DOCK3: variants seen among roughly 807,000 people sequenced by gnomAD.
The protein encoded by DOCK3 is dedicator of cytokinesis 3.
In DOCK3, 60 loss-of-function variants were observed where a neutral mutation model predicts 265.6. The observed-to-expected ratio is 0.23, with a 90% confidence interval of 0.18 to 0.28. The LOEUF (loss-of-function observed/expected upper bound fraction) is 0.28. Ranked by LOEUF, DOCK3 falls within the 10% of genes least tolerant of loss-of-function variation. The probability of loss-of-function intolerance (pLI) is 1.00; values close to 1 mark genes in which losing one functional copy is unlikely to be tolerated. For missense variants in DOCK3, 1,981 were observed against 2,594.3 expected, an observed-to-expected ratio of 0.76 and a Z score of 5.14; for synonymous variants, 881 against 938.0, an observed-to-expected ratio of 0.94 and a Z score of 1.11.
chr3:51,110,249 A>G (rs2083458123), intron 9 of DOCK3, among the ~76,000 whole-genome samples: 1 of 152,170 alleles, frequency 6.6e-6, no homozygotes, highest in African/African-American at 2.4e-5. Flanking sequence ...CAGATATACA[A>G]AGAAAAGCTG....
At chr3:51,198,006 C>T (rs1223800371) in intron 12 of DOCK3, among the ~76,000 whole-genome samples, 1 of 152,224 alleles carries the variant, frequency 6.6e-6, no homozygotes, top group Non-Finnish European at 1.5e-5. Flanking sequence ...CACCCCATGC[C>T]TTACTTGCTT....
intron 12 of DOCK3, among the ~76,000 whole-genome samples, chr3:51,178,912 TTC>T (rs966165026): frequency 6.6e-6 from 1 of 152,238 alleles, no homozygotes; most frequent in Non-Finnish European, 1.5e-5. Flanking sequence ...GGCTGTTATT[TTC>T]TCTCTTTTAC....
intron 13 of DOCK3, among the ~76,000 whole-genome samples, chr3:51,210,577 T>A (rs1438380409): frequency 1.3e-5 from 2 of 152,184 alleles, no homozygotes; most frequent in Non-Finnish European, 2.9e-5. Flanking sequence ...CTCCAGGCCT[T>A]TGGCCTTTCT....
chr3:51,122,874 G>GAT (rs943429041), intron 9 of DOCK3, among the ~76,000 whole-genome samples: 12 of 152,334 alleles, frequency 7.9e-5, no homozygotes, highest in African/African-American at 2.2e-4. Context: ...GGGACACTTT[G>GAT]ATACTCTCTC....
At chr3:50,685,177 C>T (rs917718145) in intron 1 of DOCK3, among the ~76,000 whole-genome samples, 6 of 152,196 alleles carry the variant, frequency 3.9e-5, no homozygotes, top group African/African-American at 1.2e-4. Flanking sequence ...GACTGCCGTT[C>T]TGTAATACAG....
chr3:50,759,320 C>T (rs1214172447), intron 1 of DOCK3, among the ~76,000 whole-genome samples: 1 of 151,982 alleles, frequency 6.6e-6, no homozygotes, highest in Non-Finnish European at 1.5e-5. Context: ...CATTTTACAT[C>T]CCCACCAGCA....
chr3:51,200,490 C>T (rs1368304998), intron 12 of DOCK3, among the ~76,000 whole-genome samples: 10 of 134,456 alleles, frequency 7.4e-5, no homozygotes, highest in Non-Finnish European at 1.6e-5. Context: ...TAAAAAGAAA[C>T]AAACAAAGCC....
chr3:51,026,561 C>T (rs540499576), intron 5 of DOCK3, among the ~76,000 whole-genome samples: 3 of 151,818 alleles, frequency 2.0e-5, no homozygotes, highest in East Asian at 1.9e-4. Flanking sequence ...TGATTGGTAC[C>T]AGCTCTTTTT....
intron 5 of DOCK3, among the ~76,000 whole-genome samples, chr3:50,937,339 G>T (rs997936535): frequency 4.8e-4 from 72 of 150,094 alleles, no homozygotes; most frequent in African/African-American, 1.6e-3. Flanking sequence ...TTATAATAGG[G>T]TAACTACATT....
intron 2 of DOCK3, among the ~76,000 whole-genome samples, chr3:50,836,689 A>G (rs1194713844): frequency 2.6e-5 from 4 of 152,146 alleles, no homozygotes; most frequent in Non-Finnish European, 5.9e-5. Flanking sequence ...TTGGTGATTA[A>G]CATCTGGCTC....
At chr3:51,106,195 G>A (rs183577028) in intron 9 of DOCK3, among the ~76,000 whole-genome samples, 10 of 152,292 alleles carry the variant, frequency 6.6e-5, no homozygotes, top group Non-Finnish European at 8.8e-5. Context: ...AGATAGAGCC[G>A]GGTCAGACCT....
At chr3:51,343,433 A>G (rs531117591) in intron 38 of DOCK3, among the ~76,000 whole-genome samples, 3 of 152,320 alleles carry the variant, frequency 2.0e-5, no homozygotes, top group South Asian at 4.1e-4. Flanking sequence ...AGGCTCATCT[A>G]TCTTGCTGGT....
intron 22 of DOCK3, among the ~76,000 whole-genome samples, chr3:51,256,343 T>C (rs1485482827): frequency 2.0e-5 from 3 of 152,232 alleles, no homozygotes; most frequent in Admixed American, 1.3e-4. Flanking sequence ...TGATATCTGC[T>C]CAGTGCAACC....
chr3:51,155,084 A>G (rs1560135892), intron 10 of DOCK3, among the ~76,000 whole-genome samples: 1 of 151,976 alleles, frequency 6.6e-6, no homozygotes, highest in African/African-American at 2.4e-5. Context: ...GCTCTAAGCA[A>G]TCCTCCTGCC....
At chr3:50,886,371 G>A (rs1193650537) in intron 3 of DOCK3, among the ~76,000 whole-genome samples, 4 of 151,456 alleles carry the variant, frequency 2.6e-5, no homozygotes, top group African/African-American at 4.8e-5. Context: ...ATTTAGCTAT[G>A]GTTACGTGCA....
intron 12 of DOCK3, among the ~76,000 whole-genome samples, chr3:51,175,706 A>G (rs891030889): frequency 1.3e-5 from 2 of 152,198 alleles, no homozygotes; most frequent in Non-Finnish European, 2.9e-5. Flanking sequence ...ATCAAGATCT[A>G]TAGGTATGCT....
intron 21 of DOCK3, among the ~76,000 whole-genome samples, chr3:51,242,996 G>A (rs2078675762): frequency 1.3e-5 from 2 of 152,056 alleles, no homozygotes; most frequent in African/African-American, 4.8e-5. Flanking sequence ...ATGACATGGG[G>A]CCCCCAGGTC....
At chr3:50,918,154 T>C (rs2050228356) in intron 4 of DOCK3, among the ~76,000 whole-genome samples, 2 of 152,188 alleles carry the variant, frequency 1.3e-5, no homozygotes. Flanking sequence ...TAATCCAGTC[T>C]ATCATTGATG....
chr3:51,326,712 C>T (rs1004436700), intron 32 of DOCK3, among the ~76,000 whole-genome samples: 1 of 151,780 alleles, frequency 6.6e-6, no homozygotes, highest in African/African-American at 2.4e-5. Context: ...ACCTCCTCCT[C>T]CCAGGTTCAA....
Sources: gnomAD v4.1 joint callset for allele counts (sites outside exome capture counted in the v4.1 genomes callset) on GRCh38, gnomAD v4.1.1 for gene constraint, MANE v1.5 for transcripts, NCBI Gene and HGNC (gene_info 2026-07-23, HGNC 2026-07-21) for gene names.